Variants in ANKH observed in about 807,000 individuals in gnomAD.
ANKH encodes the protein ANKH inorganic pyrophosphate transport regulator.
In ANKH, 15 loss-of-function variants were observed where a neutral mutation model predicts 49.0. That is an observed-to-expected ratio of 0.31 (90% CI 0.20 to 0.47). ANKH has a LOEUF of 0.47. ANKH is among the 20% of genes least tolerant of loss of function. The probability of loss-of-function intolerance (pLI) is 1.00; values close to 1 mark genes in which losing one functional copy is unlikely to be tolerated. For synonymous variants in ANKH, 273 were observed against 260.0 expected, an observed-to-expected ratio of 1.05 and a Z score of -0.48; for missense variants, 429 against 652.0, an observed-to-expected ratio of 0.66 and a Z score of 3.72.
At chr5:14,738,078 C>G (rs1382582604) in intron 8 of ANKH, among the ~76,000 whole-genome samples, 1 of 152,224 alleles carries the variant, frequency 6.6e-6, no homozygotes, top group East Asian at 1.9e-4. Context: ...ACATCTGCTG[C>G]TTTTCTTAAA....
intron 1 of ANKH, among the ~76,000 whole-genome samples, chr5:14,867,259 G>T (rs544867901): frequency 6.6e-6 from 1 of 151,714 alleles, no homozygotes; most frequent in East Asian, 1.9e-4. Flanking sequence ...AATTTATAAA[G>T]ACCAGGTGGG....
chr5:14,768,522 G>A (rs995315470), intron 2 of ANKH: 1 of 214,064 alleles, frequency 4.7e-6, no homozygotes, highest in Non-Finnish European at 9.5e-6. Flanking sequence ...TCTTGTCTTT[G>A]AATAAAATAG....
intron 1 of ANKH, among the ~76,000 whole-genome samples, chr5:14,856,787 G>A (rs1735272348): frequency 6.6e-6 from 1 of 152,054 alleles, no homozygotes; most frequent in Non-Finnish European, 1.5e-5. Flanking sequence ...ATTCACCTAT[G>A]AGACTCTAAG....
Position 14,768,964 on chromosome 5 carries a change from G to A in ANKH, c.313+11C>T, listed in dbSNP as rs369526107. The stretch of plus-strand genomic sequence containing the variant: ...AAAGCTAGATTCGTCAGTGGCGGTC[G>A]GCGGCCTCACCTATCAGTGTGTGAA... On this transcript the variant is annotated intron_variant, in intron 2 of 11. Transcript: ENST00000284268. 25 of 1,613,368 alleles carry A rather than the reference G, an allele frequency of 1.5e-5. No individual in the cohort carries two copies. Among genetic ancestry groups the A allele is most frequent in the Middle Eastern group, 1.6e-4 (1 of 6,064 alleles).
At position 14,758,592 on chromosome 5, in the gene ANKH, C is replaced by T; in HGVS notation, c.320G>A (p.Ser107Asn). The T allele has an allele frequency of 6.2e-7, 1 of 1,603,872 alleles. No homozygotes were observed. The highest frequency in any genetic ancestry group is 1.7e-5 in the Admixed American group (1 of 60,006). Residue 107 changes from serine to asparagine, a missense_variant, in exon 3 of 12, where the codon AGT (serine) becomes AAT (asparagine). By Grantham distance (46) the Ser-to-Asn change is conservative (BLOSUM62 1). Around this residue, in one of 2 missense-constraint regions of ANKH, gnomAD observed 378 missense variants for 615.3 expected, o/e 0.61. Transcript: ENST00000284268. ...ATTGATAATGTAGTATCCTAAATCA[C>T]TATAAGCTGCAAAGTGTCGAAAGGC... ...AAVFHTLIAY[S>N]DLGYYIINKL...
rs1321466554 is a variant in ANKH at position 14,712,875 on chromosome 5, T to A, written c.1364A>T (p.Gln455Leu). The change falls in exon 11 of 12, where the codon CAG (glutamine) becomes CTG (leucine). Residue 455 changes from glutamine to leucine, a missense_variant and splice_region_variant. By Grantham distance (113) the Gln-to-Leu change is moderately radical (BLOSUM62 -2). This residue lies in a region of ANKH where 378 missense variants were observed against 615.3 expected (regional missense o/e 0.61). Transcript: ENST00000284268. ...AIAACYVYRK[Q>L]KKKMENESAT... ...AGGCTCCCGGCGCGGCTGTCTCACC[T>A]GCTTCCGGTAGACATAGCACGCAGC... is the stretch of plus-strand genomic sequence containing the variant. 1 of 1,607,616 alleles carries A rather than the reference T, an allele frequency of 6.2e-7. No individual in the cohort carries two copies. Among genetic ancestry groups the A allele is most frequent in the Admixed American group, 1.7e-5 (1 of 59,274 alleles).
chr5:14,857,434 C>G (rs1038214104), intron 1 of ANKH, among the ~76,000 whole-genome samples: 2 of 152,154 alleles, frequency 1.3e-5, no homozygotes, highest in Non-Finnish European at 2.9e-5. Context: ...ACAGGTGGAT[C>G]ACTTGAGGTC....
chr5:14,796,960 T>G (rs964166516), intron 1 of ANKH, among the ~76,000 whole-genome samples: 2 of 152,130 alleles, frequency 1.3e-5, no homozygotes, highest in Non-Finnish European at 2.9e-5. Context: ...AGCCCCCCAT[T>G]AATATTTAGA....
In ANKH at chr5:14,770,261, CCACGCCAGAGTGGTA is replaced by C. The variant is rs2126513391; in HGVS notation, c.97-1085_97-1071del. On this transcript the variant is annotated intron_variant, in intron 1 of 11. Coordinates refer to ENST00000284268, the MANE Select transcript of ANKH (RefSeq NM_054027.6). The surrounding 1 kb of genome is among the most constrained non-coding windows in gnomAD (Gnocchi z 4.1). ...CGGAGCCTCCCCTGCTATCAACATC[CCACGCCAGAGTGGTA>C]CATGCCTTACAATCAATGAATCTAC... Among the ~76,000 whole-genome samples the C allele has an allele frequency of 6.6e-6, 1 of 152,264 alleles. No homozygotes were observed. The highest frequency in any genetic ancestry group is 1.9e-4 in the East Asian group (1 of 5,174).
intron 8 of ANKH, among the ~76,000 whole-genome samples, chr5:14,729,486 CAAAA>C (rs56836903): frequency 8.2e-6 from 1 of 122,234 alleles, no homozygotes; most frequent in Non-Finnish European, 1.8e-5. Context: ...CGCGCCTGAC[CAAAA>C]AAAAAAAAAA....
chr5:14,758,217 G>C (rs1273981828), intron 3 of ANKH, among the ~76,000 whole-genome samples: 1 of 152,184 alleles, frequency 6.6e-6, no homozygotes, highest in Non-Finnish European at 1.5e-5. Flanking sequence ...GGTATCTCAA[G>C]TAGTCCAATT....
rs111563592 is a variant in ANKH, at chr5:14,815,937, G to C, written c.97-46746C>G. Among the ~76,000 whole-genome samples the C allele has an allele frequency of 4.0e-3, 612 of 152,288 alleles. 2 individuals carry two copies. The highest frequency in any genetic ancestry group is 0.014 in the African/African-American group (588 of 41,550). ...GCCAAGGTGGGCAGGTTATTGTTGT[G>C]AATGACCAATTCTGAATTCCAGCCC... On this transcript the variant is annotated intron_variant, in intron 1 of 11. Transcript: ENST00000284268.
rs559153981 is a variant in ANKH, at chr5:14,794,707, C to G, written c.97-25516G>C. Among the ~76,000 whole-genome samples, 5 of 152,346 alleles carry G rather than the reference C, an allele frequency of 3.3e-5. No individual in the cohort carries two copies. The South Asian group carries it at 1.0e-3, about 32-fold the overall frequency. ...CAAACTTCAGAAGCAGATGAGAGAG[C>G]TTGCTGCAAGTCATATAAGAAGCTT... On this transcript the variant is annotated intron_variant, in intron 1 of 11. Coordinates refer to ENST00000284268, the MANE Select transcript of ANKH (RefSeq NM_054027.6).
chr5:14,755,697 A>G (rs959358336), intron 4 of ANKH, among the ~76,000 whole-genome samples, 164 bp downstream of exon 4: 18 of 152,188 alleles, frequency 1.2e-4, no homozygotes, highest in Admixed American at 3.9e-4. Flanking sequence ...TTTCTCATTC[A>G]TTTAGCAAAT....
chr5:14,732,491 G>C (rs1738037671), intron 8 of ANKH, among the ~76,000 whole-genome samples: 2 of 151,970 alleles, frequency 1.3e-5, no homozygotes, highest in Admixed American at 1.3e-4. Flanking sequence ...ATAAGATATA[G>C]ATACATATAT....
chr5:14,827,580 T>C (rs1327062001), intron 1 of ANKH, among the ~76,000 whole-genome samples: 1 of 152,228 alleles, frequency 6.6e-6, no homozygotes, highest in Non-Finnish European at 1.5e-5. Context: ...TGCGGGCACA[T>C]CCCATTTCCT....
chr5:14,712,743 C>A, intron 11 of ANKH, 131 bp downstream of exon 11: 1 of 915,880 alleles, frequency 1.1e-6, no homozygotes, highest in Non-Finnish European at 1.7e-6. Context: ...CCCTAAGCCA[C>A]GAGACTGGGC....
intron 1 of ANKH, among the ~76,000 whole-genome samples, chr5:14,772,836 G>A (rs1361905621): frequency 6.6e-6 from 1 of 152,190 alleles, no homozygotes; most frequent in Non-Finnish European, 1.5e-5. Flanking sequence ...CTGTCTTCTT[G>A]CCAGGGAGAC....
At chr5:14,735,954 C>T (rs112313314) in intron 8 of ANKH, among the ~76,000 whole-genome samples, 2,735 of 151,728 alleles carry the variant, frequency 0.018, 92 homozygotes, top group African/African-American at 0.064. Context: ...CCCTTTAACC[C>T]CCCACTGACT....
Sources: allele counts gnomAD v4.1 joint callset (sites outside exome capture counted in the v4.1 genomes callset), GRCh38; gene constraint gnomAD v4.1.1; regional missense constraint gnomAD v4.1.1; non-coding constraint Gnocchi (gnomAD v3.1); transcripts MANE v1.5; gene names NCBI Gene and HGNC (gene_info 2026-07-23, HGNC 2026-07-21).